TBC1D22A: variants seen among roughly 807,000 people sequenced by gnomAD.
TBC1D22A encodes putative GTPase activator.
A neutral mutation model predicts 60.2 loss-of-function variants in TBC1D22A; 38 were observed. That is an observed-to-expected ratio of 0.63 (90% CI 0.49 to 0.83). The LOEUF is 0.83. Ranked by LOEUF, TBC1D22A falls within the 40% of genes least tolerant of loss-of-function variation. TBC1D22A has a pLI of 0.00. For missense variants in TBC1D22A, 628 were observed against 701.0 expected (o/e 0.90, Z 1.18); for synonymous variants, 302 against 281.7 (o/e 1.07, Z -0.72).
At chr22:47,128,993 T>C (rs1323269952) in intron 12 of TBC1D22A, among the ~76,000 whole-genome samples, 1 of 152,194 alleles carries the variant, frequency 6.6e-6, no homozygotes, top group Non-Finnish European at 1.5e-5. Context: ...GCCGGGTGCA[T>C]GTCTACGATG....
At chr22:46,767,631 C>G (rs1228387865) in intron 1 of TBC1D22A, among the ~76,000 whole-genome samples, 1 of 152,158 alleles carries the variant, frequency 6.6e-6, no homozygotes, top group Admixed American at 6.5e-5. Context: ...CAGCTGCTAT[C>G]AAAACAATGC....
intron 5 of TBC1D22A, among the ~76,000 whole-genome samples, chr22:46,887,858 A>C (rs958026194): frequency 1.3e-5 from 2 of 152,226 alleles, no homozygotes; most frequent in African/African-American, 4.8e-5. Context: ...GTGTGATCCT[A>C]ATGTGTTAAC....
intron 4 of TBC1D22A, among the ~76,000 whole-genome samples, chr22:46,873,824 C>T (rs1045518795): frequency 3.3e-5 from 5 of 150,896 alleles, no homozygotes; most frequent in Middle Eastern, 3.2e-3. Flanking sequence ...GACAGAGTCT[C>T]GCTCTGTCAC....
intron 11 of TBC1D22A, among the ~76,000 whole-genome samples, chr22:47,102,133 G>T (rs1173581976): frequency 6.6e-6 from 1 of 152,222 alleles, no homozygotes; most frequent in Non-Finnish European, 1.5e-5. Context: ...ATCTGCTGAA[G>T]GTTCATCGCT....
intron 10 of TBC1D22A, among the ~76,000 whole-genome samples, chr22:47,025,741 G>T (rs968695950): frequency 1.3e-5 from 2 of 152,210 alleles, no homozygotes; most frequent in African/African-American, 4.8e-5. Context: ...CGAAGAGGCT[G>T]TGCTTAGAGG....
intron 5 of TBC1D22A, among the ~76,000 whole-genome samples, chr22:46,882,694 G>A (rs903575884): frequency 2.0e-5 from 3 of 152,350 alleles, no homozygotes; most frequent in Middle Eastern, 3.4e-3. Flanking sequence ...ATCCCAGTCT[G>A]TGAGTCCTTC....
At chr22:46,811,825 C>T (rs2085389724) in intron 4 of TBC1D22A, among the ~76,000 whole-genome samples, 1 of 152,140 alleles carries the variant, frequency 6.6e-6, no homozygotes, top group Non-Finnish European at 1.5e-5. Context: ...GAAGGTCTGG[C>T]CCGCCAGGTG....
At chr22:46,811,981 C>T (rs1474392184) in intron 4 of TBC1D22A, among the ~76,000 whole-genome samples, 1 of 152,062 alleles carries the variant, frequency 6.6e-6, no homozygotes, top group Non-Finnish European at 1.5e-5. Context: ...AGTTTCCCTA[C>T]CAGTAAAATC....
At chr22:46,982,580 C>T (rs8141045) in intron 9 of TBC1D22A, among the ~76,000 whole-genome samples, 6,581 of 152,264 alleles carry the variant, frequency 0.043, 238 homozygotes, top group African/African-American at 0.089. Flanking sequence ...AAAACAGCTA[C>T]ATTTCCAGAT....
rs568505952 is a variant in TBC1D22A, at chr22:46,936,503, G to A, written c.1015+24315G>A. On this transcript the variant is annotated intron_variant, in intron 8 of 12. Coordinates refer to ENST00000337137, the MANE Select transcript of TBC1D22A (RefSeq NM_014346.5). ...TAATGAACTGTGCCCGCTGGGGCCT[G>A]GGGCCAGGGCCGGCATTCCCATCCT... 2.6e-5 allele frequency among the ~76,000 whole-genome samples: 4 copies of A among 152,386 alleles called. No individual in the cohort carries two copies. In the South Asian group the frequency reaches 8.3e-4, roughly 32 times the overall value.
chr22:46,774,086 G>A (rs1057075888), intron 1 of TBC1D22A: 18 of 985,468 alleles, frequency 1.8e-5, no homozygotes, highest in South Asian at 4.7e-5. Flanking sequence ...TCCCGCCCCC[G>A]CACCCATCCT....
At chr22:46,875,282 A>G (rs1355039111) in intron 4 of TBC1D22A, among the ~76,000 whole-genome samples, 2 of 152,204 alleles carry the variant, frequency 1.3e-5, no homozygotes, top group African/African-American at 2.4e-5. Context: ...AGCAAAATAA[A>G]TAGGACACAA....
At chr22:46,952,944 G>A (rs936526720) in intron 8 of TBC1D22A, among the ~76,000 whole-genome samples, 1 of 152,122 alleles carries the variant, frequency 6.6e-6, no homozygotes, top group African/African-American at 2.4e-5. Flanking sequence ...TCTCGTCTTT[G>A]TCTTAGCAGC....
chr22:47,169,814 TA>T (rs1191747725), intron 12 of TBC1D22A, among the ~76,000 whole-genome samples: 1 of 152,218 alleles, frequency 6.6e-6, no homozygotes, highest in Non-Finnish European at 1.5e-5. Context: ...ATGTGGCCAT[TA>T]ATTGTTTATG....
intron 11 of TBC1D22A, among the ~76,000 whole-genome samples, chr22:47,067,668 G>T (rs1480486170): frequency 1.3e-5 from 2 of 152,184 alleles, no homozygotes; most frequent in Non-Finnish European, 2.9e-5. Flanking sequence ...ATCAGAACAG[G>T]CAGAGATGCC....
intron 12 of TBC1D22A, among the ~76,000 whole-genome samples, chr22:47,133,644 G>A (rs1312423345): frequency 2.6e-5 from 4 of 152,172 alleles, no homozygotes; most frequent in Admixed American, 2.6e-4. Flanking sequence ...GGTCCCTTCT[G>A]CCTGGGACTT....
chr22:47,107,499 T>G lies in TBC1D22A; in HGVS notation c.1330-4009T>G, dbSNP rs551096754. On this transcript the variant is annotated intron_variant, in intron 11 of 12. Coordinates refer to ENST00000337137, the MANE Select transcript of TBC1D22A (RefSeq NM_014346.5). ...CCTATTTTCAATATCATCAAAAATA[T>G]GAACCTGTTAGGGAAAATCTAAAAA... Among the ~76,000 whole-genome samples, 25 of 152,330 alleles carry G rather than the reference T, an allele frequency of 1.6e-4. No individual in the cohort carries two copies. In the South Asian group the frequency reaches 5.2e-3, roughly 32 times the overall value.
At chr22:46,861,739 G>A (rs191929939) in intron 4 of TBC1D22A, among the ~76,000 whole-genome samples, 1 of 152,242 alleles carries the variant, frequency 6.6e-6, no homozygotes, top group Non-Finnish European at 1.5e-5. Context: ...GTGTATCCCG[G>A]CCGCACTGGG....
chr22:47,057,912 A>T (rs77754225), intron 11 of TBC1D22A, among the ~76,000 whole-genome samples: 2 of 152,190 alleles, frequency 1.3e-5, no homozygotes, highest in Admixed American at 1.3e-4. Context: ...ACACTTGTAA[A>T]GGGACCTGCT....
Sources: gnomAD v4.1 joint callset for allele counts (sites outside exome capture counted in the v4.1 genomes callset) on GRCh38, gnomAD v4.1.1 for gene constraint, MANE v1.5 for transcripts, NCBI Gene and HGNC (gene_info 2026-07-23, HGNC 2026-07-21) for gene names.